Variants in PTPRD observed in about 807,000 individuals in gnomAD.
PTPRD encodes receptor-type tyrosine-protein phosphatase delta.
In PTPRD, 34 loss-of-function variants were observed where a neutral mutation model predicts 214.5. The observed-to-expected ratio is 0.16, with a 90% confidence interval of 0.12 to 0.21. PTPRD has a LOEUF of 0.21. Among genes scored for constraint, PTPRD ranks in the 10% least tolerant of loss-of-function variants. The pLI is 1.00. For missense variants in PTPRD, 2,545 were observed against 2,398.7 expected, an observed-to-expected ratio of 1.06 and a Z score of -1.27; for synonymous variants, 1,128 against 845.7, an observed-to-expected ratio of 1.33 and a Z score of -5.79.
intron 3 of PTPRD, among the ~76,000 whole-genome samples, chr9:10,041,906 C>A (rs550455969): frequency 6.6e-5 from 10 of 152,090 alleles, no homozygotes; most frequent in Middle Eastern, 3.4e-3. Flanking sequence ...CTGCTCATGG[C>A]AAAATAACAT....
chr9:9,448,168 T>C (rs994152288), intron 8 of PTPRD, among the ~76,000 whole-genome samples: 3 of 152,024 alleles, frequency 2.0e-5, no homozygotes, highest in African/African-American at 7.2e-5. Flanking sequence ...AGTAAGAAGT[T>C]GTAAAATTTT....
At chr9:9,928,788 A>ACACACC in intron 5 of PTPRD, among the ~76,000 whole-genome samples, 1 of 151,444 alleles carries the variant, frequency 6.6e-6, no homozygotes, top group Middle Eastern at 3.4e-3. Context: ...ACACACACAC[A>ACACACC]ATTTGCATTT....
At chr9:9,464,969 G>A (rs1187738195) in intron 8 of PTPRD, among the ~76,000 whole-genome samples, 1 of 152,094 alleles carries the variant, frequency 6.6e-6, no homozygotes, top group Admixed American at 6.6e-5. Flanking sequence ...TTTAGGGTAG[G>A]GTTGTAAAGT....
At chr9:8,653,931 A>G (rs1035899514) in intron 12 of PTPRD, among the ~76,000 whole-genome samples, 1 of 152,102 alleles carries the variant, frequency 6.6e-6, no homozygotes, top group South Asian at 2.1e-4. Context: ...CCATCTCCCT[A>G]CATAATCAGC....
At chr9:8,476,616 T>C (rs1001528121) in intron 30 of PTPRD, among the ~76,000 whole-genome samples, 2 of 152,200 alleles carry the variant, frequency 1.3e-5, no homozygotes, top group African/African-American at 4.8e-5. Context: ...TTACCCCCAT[T>C]ATATGGTCTC....
chr9:9,207,343 G>C (rs990232029), intron 9 of PTPRD, among the ~76,000 whole-genome samples: 7 of 151,994 alleles, frequency 4.6e-5, no homozygotes, highest in African/African-American at 1.7e-4. Flanking sequence ...TAGAATTCGG[G>C]GTGCAGATGT....
At chr9:9,714,651 T>C (rs1224915367) in intron 7 of PTPRD, among the ~76,000 whole-genome samples, 1 of 152,130 alleles carries the variant, frequency 6.6e-6, no homozygotes, top group Non-Finnish European at 1.5e-5. Context: ...AAAAACATTC[T>C]AACAATGAAA....
intron 5 of PTPRD, among the ~76,000 whole-genome samples, chr9:9,843,184 A>G (rs1260234771): frequency 6.6e-6 from 1 of 152,084 alleles, no homozygotes; most frequent in South Asian, 2.1e-4. Context: ...GCATTTACAG[A>G]AAAAGTCTGC....
intron 39 of PTPRD, among the ~76,000 whole-genome samples, chr9:8,373,861 T>C (rs2082338810): frequency 1.4e-5 from 1 of 72,580 alleles, no homozygotes; most frequent in Non-Finnish European, 2.8e-5. Context: ...TATGTGTCTG[T>C]CTGTCTATCT....
chr9:10,610,988 A>C (rs2080830029), intron 2 of PTPRD, among the ~76,000 whole-genome samples: 2 of 152,300 alleles, frequency 1.3e-5, no homozygotes, highest in African/African-American at 4.8e-5. Flanking sequence ...GGAGGTAAAA[A>C]TATACTCATT....
At chr9:8,731,047 T>C (rs914612093) in intron 12 of PTPRD, among the ~76,000 whole-genome samples, 1 of 152,242 alleles carries the variant, frequency 6.6e-6, no homozygotes. Flanking sequence ...TATAATTTTC[T>C]GCTGAGGGAT....
rs117715599 is a variant in PTPRD at position 9,420,925 on chromosome 9, T to A, written c.-236-23443A>T. ...ACCAGTCCTTAACAGTGGTCTTTTTTCTCAGTGGTATAATTTTTGTGATAT... is the reference window on the plus strand; with the variant it reads ...ACCAGTCCTTAACAGTGGTCTTTTTACTCAGTGGTATAATTTTTGTGATAT... On this transcript the variant is annotated intron_variant, in intron 8 of 45. Transcript: ENST00000381196. 8.2e-3 allele frequency among the ~76,000 whole-genome samples: 1,252 copies of A among 152,090 alleles called. 24 individuals carry two copies. Among genetic ancestry groups the A allele is most frequent in the East Asian group, 0.061 (317 of 5,186 alleles).
At chr9:8,902,645 T>A (rs2098679606) in intron 11 of PTPRD, among the ~76,000 whole-genome samples, 1 of 152,110 alleles carries the variant, frequency 6.6e-6, no homozygotes, top group Admixed American at 6.6e-5. Context: ...ACGCCCAGCC[T>A]GGAATCTGCA....
intron 4 of PTPRD, among the ~76,000 whole-genome samples, chr9:9,971,319 C>T (rs1225300660): frequency 6.6e-6 from 1 of 151,944 alleles, no homozygotes; most frequent in Non-Finnish European, 1.5e-5. Context: ...GGAGTAGAAA[C>T]CAGGTGTTGA....
chr9:8,837,054 C>T (rs2097443634), intron 11 of PTPRD, among the ~76,000 whole-genome samples: 3 of 134,092 alleles, frequency 2.2e-5, no homozygotes, highest in South Asian at 4.9e-4. Flanking sequence ...GAGATGGAGT[C>T]TCGCTGTGTC....
At chr9:10,318,142 T>C (rs2096480995) in intron 3 of PTPRD, among the ~76,000 whole-genome samples, 1 of 152,050 alleles carries the variant, frequency 6.6e-6, no homozygotes, top group African/African-American at 2.4e-5. Context: ...ACTATTGCAA[T>C]ATGGAGGCTT....
intron 36 of PTPRD, among the ~76,000 whole-genome samples, chr9:8,403,367 G>A (rs1282971525): frequency 6.6e-6 from 1 of 152,198 alleles, no homozygotes. Flanking sequence ...GAACCTTCAA[G>A]TATGAAGAGG....
intron 11 of PTPRD, among the ~76,000 whole-genome samples, chr9:8,875,971 C>T (rs998507293): frequency 6.6e-6 from 1 of 152,194 alleles, no homozygotes; most frequent in South Asian, 2.1e-4. Flanking sequence ...ATTCACCAAT[C>T]CTGTAGCCCT....
chr9:8,400,674 C>A (rs1276445356), intron 36 of PTPRD, among the ~76,000 whole-genome samples: 2 of 152,174 alleles, frequency 1.3e-5, no homozygotes, highest in Non-Finnish European at 2.9e-5. Context: ...GTGGAAGACC[C>A]AGACCAGGAA....
Sources: gnomAD v4.1 joint callset for allele counts (sites outside exome capture counted in the v4.1 genomes callset) on GRCh38, gnomAD v4.1.1 for gene constraint, MANE v1.5 for transcripts, NCBI Gene and HGNC (gene_info 2026-07-23, HGNC 2026-07-21) for gene names.